The following PRR5 variants were observed in gnomAD, a reference collection of about 807,000 sequenced individuals.
PRR5 encodes the protein proline-rich protein 5.
In PRR5, 25 loss-of-function variants were observed where a neutral mutation model predicts 30.6. The observed-to-expected ratio is 0.82, with a 90% CI of 0.60 to 1.14. The LOEUF (loss-of-function observed/expected upper bound fraction) is 1.14, where lower values mean the gene tolerates loss of function less well. Among genes scored for constraint, PRR5 ranks in the 50% most tolerant of loss-of-function variants. PRR5 has a pLI of 0.00. For missense variants in PRR5, 600 were observed against 547.1 expected, an observed-to-expected ratio of 1.10 and a Z score of -0.96; for synonymous variants, 286 against 247.1, an observed-to-expected ratio of 1.16 and a Z score of -1.48.
upstream of PRR5, among the ~76,000 whole-genome samples, chr22:44,700,830 C>T (rs1363243743): frequency 6.6e-6 from 1 of 152,118 alleles, no homozygotes; most frequent in African/African-American, 2.4e-5. Context: ...GGTTGATTTG[C>T]ACTAAACAAA....
rs57779357 is a variant in PRR5 at position 44,670,161 on chromosome 22, C to T, written c.-11+1356C>T. The stretch of plus-strand genomic sequence containing the variant: ...AAGTCATCTACCTTCCTCCGGCTGG[C>T]GGACAGCGAAGAGGACCAAGAAGGG... On this transcript the variant is annotated intron_variant, in intron 1 of 8. Transcript: ENST00000432186. Among the ~76,000 whole-genome samples the T allele has an allele frequency of 1.4e-3, 209 of 152,270 alleles. 1 individual carries two copies. The highest frequency in any genetic ancestry group is 4.8e-3 in the African/African-American group (198 of 41,558).
chr22:44,703,589 C>A (rs561406127), intron 1 of PRR5, among the ~76,000 whole-genome samples: 1 of 152,294 alleles, frequency 6.6e-6, no homozygotes, highest in African/African-American at 2.4e-5. Flanking sequence ...AGGGCTGTCA[C>A]ATGCCTGCCT....
chr22:44,687,359 C>T (rs1264522857), intron 1 of PRR5, among the ~76,000 whole-genome samples: 1 of 22,054 alleles, frequency 4.5e-5, no homozygotes, highest in Non-Finnish European at 1.1e-4. Flanking sequence ...CTATCCAGAG[C>T]GTTTTATAAT....
chr22:44,681,319 G>C lies in PRR5; in HGVS notation c.-11+4079G>C, dbSNP rs114093694. ...AAAAAAGTTTGGGAGGCCAGGCGCA[G>C]TGGCTTATGCCTCTAATCCCAGAAC... On this transcript the variant is annotated intron_variant, in intron 1 of 8. Transcript: ENST00000006251. Among the ~76,000 whole-genome samples, 1,353 of 152,338 alleles carry C rather than the reference G, an allele frequency of 8.9e-3. 33 individuals carry two copies. Among genetic ancestry groups the C allele is most frequent in the African/African-American group, 0.031 (1,280 of 41,576 alleles).
At position 44,680,255 on chromosome 22, in the gene PRR5, T is replaced by A. The variant is rs1924153697; in HGVS notation, c.-11+3015T>A. Reference sequence around the variant, plus strand: ...TGACAGTTTGCTGTACCTCTCTGAGTCTCAGATACTTCATCTTTGAAATGG... The same window carrying A: ...TGACAGTTTGCTGTACCTCTCTGAGACTCAGATACTTCATCTTTGAAATGG... On this transcript the variant is annotated intron_variant, in intron 1 of 8. Transcript: ENST00000006251. Among the ~76,000 whole-genome samples, 3 of 152,096 alleles carry A rather than the reference T, an allele frequency of 2.0e-5. No homozygotes were observed. The South Asian group carries it at 6.2e-4, about 32-fold the overall frequency.
intron 1 of PRR5, among the ~76,000 whole-genome samples, chr22:44,702,880 C>G (rs945279825): frequency 1.3e-5 from 2 of 152,212 alleles, no homozygotes; most frequent in African/African-American, 2.4e-5. Flanking sequence ...CGGGGTGGGC[C>G]GGGAAGCCGC....
chr22:44,699,927 TG>T (rs909457514), upstream of PRR5, among the ~76,000 whole-genome samples: 1 of 25,376 alleles, frequency 3.9e-5, no homozygotes, highest in African/African-American at 1.3e-4. Flanking sequence ...TTTTTGTTGT[TG>T]TTTTTGTTTT....
intron 4 of PRR5, chr22:44,730,622 C>G (rs1374907310): frequency 2.0e-6 from 2 of 1,005,952 alleles, no homozygotes; most frequent in Non-Finnish European, 2.4e-6. Flanking sequence ...ACTCACCTGT[C>G]AAGATGTGTC....
chr22:44,684,908 T>C (rs1004162180), intron 1 of PRR5, among the ~76,000 whole-genome samples: 2 of 152,198 alleles, frequency 1.3e-5, no homozygotes, highest in African/African-American at 4.8e-5. Flanking sequence ...AGCCTCCCTT[T>C]ACTGCCCTCT....
intron 1 of PRR5, among the ~76,000 whole-genome samples, chr22:44,686,923 T>C (rs1446728365): frequency 1.3e-5 from 2 of 152,244 alleles, no homozygotes; most frequent in Admixed American, 6.5e-5. Flanking sequence ...ATACGATATT[T>C]GATTCCTTCT....
At chr22:44,704,605 A>G (rs986841819) in intron 1 of PRR5, among the ~76,000 whole-genome samples, 1 of 151,984 alleles carries the variant, frequency 6.6e-6, no homozygotes, top group Non-Finnish European at 1.5e-5. Flanking sequence ...CCCAGGCAGC[A>G]GGGGCACGGC....
chr22:44,704,432 T>G (rs2147018762), intron 1 of PRR5, among the ~76,000 whole-genome samples: 1 of 152,082 alleles, frequency 6.6e-6, no homozygotes, highest in South Asian at 2.1e-4. Context: ...AAGTGTCTTC[T>G]CAGAGTTCAG....
At chr22:44,731,233 T>TATCATCTAAAA in intron 4 of PRR5, 1 of 222,612 alleles carries the variant, frequency 4.5e-6, no homozygotes, top group Admixed American at 5.5e-5. Context: ...TGTACCTGTG[T>TATCATCTAAAA]GGGTCTTACC....
Position 44,727,409 on chromosome 22 carries a change from G to A in PRR5, c.322+775G>A, listed in dbSNP as rs542441188. ...CGGGCTGTGCTGGGATCGGGCCTGC[G>A]CTGTACCCGTGTGTTGAGCACCTGT... On this transcript the variant is annotated intron_variant, in intron 4 of 7. Coordinates refer to ENST00000336985, the MANE Select transcript of PRR5 (RefSeq NM_181333.4). Among the ~76,000 whole-genome samples the A allele has an allele frequency of 3.2e-3, 486 of 152,336 alleles. 1 individual carries two copies. The highest frequency in any genetic ancestry group is 5.0e-3 in the Non-Finnish European group (342 of 68,030).
At chr22:44,714,267 G>A (rs1928715886) in intron 1 of PRR5, among the ~76,000 whole-genome samples, 1 of 152,184 alleles carries the variant, frequency 6.6e-6, no homozygotes, top group South Asian at 2.1e-4. Flanking sequence ...AGAGGCGCAG[G>A]GGTTTCCTGG....
chr22:44,713,761 A>G (rs920011700), intron 1 of PRR5, among the ~76,000 whole-genome samples: 11 of 152,180 alleles, frequency 7.2e-5, no homozygotes, highest in African/African-American at 2.7e-4. Flanking sequence ...CTATCCCTTC[A>G]CAGAAAACGT....
Position 44,737,250 on chromosome 22 carries a change from C to A in PRR5, c.*3C>A. ...GGGGCCGGCAGAGTGTCGTGTGAGG[C>A]CTCACAGCTGGCCTTGAGTTTTTAC... On this transcript the variant is annotated 3_prime_UTR_variant, in exon 8 of 8. Transcript: ENST00000336985. 2 of 1,592,534 alleles carry A rather than the reference C, an allele frequency of 1.3e-6. No homozygotes were observed. Among genetic ancestry groups the A allele is most frequent in the South Asian group, 1.1e-5 (1 of 89,442 alleles).
intron 1 of PRR5, among the ~76,000 whole-genome samples, chr22:44,712,765 A>G (rs931600651): frequency 1.3e-5 from 2 of 152,200 alleles, no homozygotes; most frequent in Admixed American, 6.5e-5. Context: ...GGTCTGCCAT[A>G]GGAACCTTGG....
intron 2 of PRR5, among the ~76,000 whole-genome samples, chr22:44,717,042 CTGAG>C (rs1569094861): frequency 2.0e-5 from 3 of 151,816 alleles, no homozygotes; most frequent in Admixed American, 6.6e-5. Flanking sequence ...GCCTGGGTAA[CTGAG>C]TAAGACCCCA....
Sources: gnomAD v4.1 joint callset for allele counts (sites outside exome capture counted in the v4.1 genomes callset) on GRCh38, gnomAD v4.1.1 for gene constraint, MANE v1.5 for transcripts, NCBI Gene and HGNC (gene_info 2026-07-23, HGNC 2026-07-21) for gene names.